The following SGCZ variants were observed in gnomAD, a reference collection of about 807,000 sequenced individuals.
The protein encoded by SGCZ is sarcoglycan zeta, also known as zeta-sarcoglycan.
SGCZ carries 40 observed loss-of-function variants against 41.3 expected under a neutral mutation model. That is an observed-to-expected ratio of 0.97 (90% CI 0.75 to 1.26). The LOEUF (loss-of-function observed/expected upper bound fraction) is 1.26, where lower values mean the gene tolerates loss of function less well. SGCZ is among the 50% of genes most tolerant of loss of function. SGCZ has a pLI of 0.00. For synonymous variants in SGCZ, 206 were observed against 137.5 expected (o/e 1.50, Z -3.49); for missense variants, 552 against 369.8 (o/e 1.49, Z -4.04).
intron 1 of SGCZ, among the ~76,000 whole-genome samples, chr8:14,679,498 C>G (rs1398750472): frequency 1.0e-5 from 1 of 96,710 alleles, no homozygotes; most frequent in Non-Finnish European, 2.4e-5. Flanking sequence ...AATATATATA[C>G]ATATATATTA....
chr8:14,416,607 T>G (rs4455828), intron 2 of SGCZ, among the ~76,000 whole-genome samples: 104,164 of 151,532 alleles, frequency 0.69, 35,891 homozygotes, highest in East Asian at 0.83. Flanking sequence ...TCAGGGTATT[T>G]GTCAATACTG....
chr8:14,262,422 T>A (rs1187307200), intron 3 of SGCZ, among the ~76,000 whole-genome samples: 2 of 152,082 alleles, frequency 1.3e-5, no homozygotes, highest in African/African-American at 4.8e-5. Context: ...TTCCTGAGCA[T>A]AGGAATGAAT....
At chr8:14,128,034 G>C (rs899781247) in intron 5 of SGCZ, among the ~76,000 whole-genome samples, 2 of 152,116 alleles carry the variant, frequency 1.3e-5, no homozygotes, top group Non-Finnish European at 2.9e-5. Flanking sequence ...TTGGTTTTCT[G>C]TTCCTGTGTT....
chr8:14,338,400 C>A (rs993820288), intron 2 of SGCZ, among the ~76,000 whole-genome samples: 2 of 152,028 alleles, frequency 1.3e-5, no homozygotes, highest in African/African-American at 4.8e-5. Flanking sequence ...TGTAACTGAC[C>A]AAAAATGTGA....
At position 14,445,777 on chromosome 8, in the gene SGCZ, T is replaced by G. The variant is rs143422613; in HGVS notation, c.234+108955A>C. Reference sequence around the variant, plus strand: ...CAAGGGGTCAACTGAGCTGTTAGTCTGCAGACAGTGGAGTTAGGAGAGTAA... The same window carrying G: ...CAAGGGGTCAACTGAGCTGTTAGTCGGCAGACAGTGGAGTTAGGAGAGTAA... On this transcript the variant is annotated intron_variant, in intron 2 of 7. Coordinates refer to ENST00000382080, the MANE Select transcript of SGCZ (RefSeq NM_139167.4). Among the ~76,000 whole-genome samples, 257 of 152,286 alleles carry G rather than the reference T, an allele frequency of 1.7e-3. 1 individual carries two copies. The highest frequency in any genetic ancestry group is 6.0e-3 in the African/African-American group (248 of 41,566).
At chr8:15,015,889 T>A (rs1252386745) in intron 1 of SGCZ, among the ~76,000 whole-genome samples, 1 of 151,998 alleles carries the variant, frequency 6.6e-6, no homozygotes, top group African/African-American at 2.4e-5. Context: ...GTCTTAATTT[T>A]CTGCTGCTTC....
chr8:14,863,490 A>G (rs761967021), intron 1 of SGCZ, among the ~76,000 whole-genome samples: 1 of 152,026 alleles, frequency 6.6e-6, no homozygotes, highest in African/African-American at 2.4e-5. Context: ...ATGATCAGCT[A>G]TAAATAGTGA....
chr8:15,085,701 A>C (rs529479881), intron 1 of SGCZ, among the ~76,000 whole-genome samples: 6 of 152,204 alleles, frequency 3.9e-5, no homozygotes, highest in Admixed American at 3.3e-4. Flanking sequence ...TGGATATTCT[A>C]CCCACCAACT....
At chr8:14,672,448 G>C (rs556937135) in intron 1 of SGCZ, among the ~76,000 whole-genome samples, 3 of 152,054 alleles carry the variant, frequency 2.0e-5, no homozygotes, top group Non-Finnish European at 2.9e-5. Flanking sequence ...TTAAATTCAT[G>C]TATGTATGTA....
intron 3 of SGCZ, among the ~76,000 whole-genome samples, chr8:14,239,727 C>T (rs1798792346): frequency 6.6e-6 from 1 of 150,544 alleles, no homozygotes; most frequent in African/African-American, 2.4e-5. Context: ...ACGGTGAAAC[C>T]CCGTCTCTAC....
At chr8:14,172,222 A>G (rs1804404407) in intron 4 of SGCZ, among the ~76,000 whole-genome samples, 1 of 152,166 alleles carries the variant, frequency 6.6e-6, no homozygotes, top group South Asian at 2.1e-4. Context: ...CATTTCCAGC[A>G]TGGGTCAGCA....
At chr8:14,351,145 T>A (rs1281288412) in intron 2 of SGCZ, among the ~76,000 whole-genome samples, 2 of 152,146 alleles carry the variant, frequency 1.3e-5, no homozygotes, top group Non-Finnish European at 2.9e-5. Context: ...CCAGAAAGTC[T>A]ACCTATGAAA....
intron 1 of SGCZ, among the ~76,000 whole-genome samples, chr8:15,011,034 T>G (rs1206100792): frequency 6.6e-6 from 1 of 151,234 alleles, no homozygotes; most frequent in Non-Finnish European, 1.5e-5. Flanking sequence ...AAACGAAGAT[T>G]ATCAGTTTTT....
chr8:14,618,515 G>T (rs1039263939), intron 1 of SGCZ, among the ~76,000 whole-genome samples: 1 of 152,098 alleles, frequency 6.6e-6, no homozygotes, highest in Admixed American at 6.6e-5. Flanking sequence ...ATGAAAACAG[G>T]GAGGCAATAC....
At chr8:14,798,490 A>T (rs1170138146) in intron 1 of SGCZ, among the ~76,000 whole-genome samples, 1 of 152,192 alleles carries the variant, frequency 6.6e-6, no homozygotes, top group Non-Finnish European at 1.5e-5. Flanking sequence ...AAAATAAACT[A>T]TGTACATGAA....
intron 2 of SGCZ, among the ~76,000 whole-genome samples, chr8:14,395,484 G>A (rs2117229459): frequency 6.6e-6 from 1 of 152,274 alleles, no homozygotes; most frequent in Admixed American, 6.5e-5. Context: ...AGCAATGGCA[G>A]AATACACTTG....
chr8:15,001,330 G>T (rs1802411933), intron 1 of SGCZ, among the ~76,000 whole-genome samples: 1 of 152,218 alleles, frequency 6.6e-6, no homozygotes, highest in African/African-American at 2.4e-5. Context: ...GATGCATCAA[G>T]AGCTGCCTTT....
chr8:15,080,372 C>G (rs919524650), intron 1 of SGCZ, among the ~76,000 whole-genome samples: 5 of 152,046 alleles, frequency 3.3e-5, no homozygotes, highest in Non-Finnish European at 5.9e-5. Context: ...CAAAGGAAGT[C>G]CACGGAAGTT....
chr8:14,920,088 G>T (rs990950321), intron 1 of SGCZ, among the ~76,000 whole-genome samples: 1 of 152,048 alleles, frequency 6.6e-6, no homozygotes, highest in Non-Finnish European at 1.5e-5. Flanking sequence ...CAGACTAACT[G>T]CCATTTATCT....
Sources: allele counts gnomAD v4.1 joint callset (sites outside exome capture counted in the v4.1 genomes callset), GRCh38; gene constraint gnomAD v4.1.1; transcripts MANE v1.5; gene names NCBI Gene and HGNC (gene_info 2026-07-23, HGNC 2026-07-21).